The following ZFHX3 variants were observed in gnomAD, a reference collection of about 807,000 sequenced individuals.
The protein encoded by ZFHX3 is zinc finger homeobox protein 3.
Under a neutral mutation model 279.1 loss-of-function variants are expected in ZFHX3, and 42 were observed. The observed-to-expected ratio is 0.15, with a 90% CI of 0.12 to 0.19. The LOEUF is 0.19. Among genes scored for constraint, ZFHX3 ranks in the 10% least tolerant of loss-of-function variants. The probability of loss-of-function intolerance (pLI) is 1.00; values close to 1 mark genes in which losing one functional copy is unlikely to be tolerated. For missense variants in ZFHX3, 4,981 were observed against 4,754.0 expected, an observed-to-expected ratio of 1.05 and a Z score of -1.40; for synonymous variants, 2,293 against 1,957.8, an observed-to-expected ratio of 1.17 and a Z score of -4.52.
intron 3 of ZFHX3, among the ~76,000 whole-genome samples, chr16:73,413,471 G>C (rs531542953): frequency 6.6e-6 from 1 of 152,188 alleles, no homozygotes; most frequent in South Asian, 2.1e-4. Context: ...GCAGGCCTGC[G>C]TGTGGACAGA....
intron 7 of ZFHX3, among the ~76,000 whole-genome samples, chr16:73,121,732 C>G (rs1328799294): frequency 1.3e-5 from 2 of 151,756 alleles, no homozygotes; most frequent in African/African-American, 4.8e-5. Flanking sequence ...TCTCCTGCCT[C>G]CGCCTCCCAA....
chr16:73,574,401 T>C (rs931276353), intron 2 of ZFHX3, among the ~76,000 whole-genome samples: 4 of 152,160 alleles, frequency 2.6e-5, no homozygotes, highest in African/African-American at 7.2e-5. Flanking sequence ...TCTCAGATCA[T>C]TTTCATATAC....
intron 6 of ZFHX3, chr16:73,143,647 G>T: frequency 1.3e-6 from 1 of 755,508 alleles, no homozygotes. Flanking sequence ...TGAACTGTTT[G>T]GTTTTGTTTG....
At chr16:73,811,798 C>T (rs1006357485) in intron 1 of ZFHX3, among the ~76,000 whole-genome samples, 1 of 152,086 alleles carries the variant, frequency 6.6e-6, no homozygotes, top group Non-Finnish European at 1.5e-5. Context: ...ACTTTGTTCT[C>T]TCTGTTGTGA....
At chr16:73,500,691 CAAAA>C (rs35032435) in intron 2 of ZFHX3, among the ~76,000 whole-genome samples, 1,521 of 96,932 alleles carry the variant, frequency 0.016, 10 homozygotes, top group South Asian at 0.024. Context: ...TTTTAAAATA[CAAAA>C]AAAAAAAAAA....
chr16:73,804,479 A>T (rs1383587211), intron 1 of ZFHX3, among the ~76,000 whole-genome samples: 2 of 152,212 alleles, frequency 1.3e-5, no homozygotes, highest in Non-Finnish European at 2.9e-5. Context: ...AGTCAGAAAC[A>T]TTGATTAAAT....
At chr16:73,605,833 T>TA (rs1006066423) in intron 2 of ZFHX3, among the ~76,000 whole-genome samples, 1 of 152,084 alleles carries the variant, frequency 6.6e-6, no homozygotes, top group Non-Finnish European at 1.5e-5. Flanking sequence ...TCAAACCATT[T>TA]AAAATGTAAC....
In ZFHX3 at chr16:72,829,386, G is replaced by A. The variant is rs370898254; in HGVS notation, c.3529+393C>T. 75 of 181,432 alleles carry A rather than the reference G, an allele frequency of 4.1e-4. No individual in the cohort carries two copies. In the South Asian group the frequency reaches 7.3e-3, roughly 18 times the overall value. The allele number at this position is 181,432 out of a possible 1,614,324, so 11.2% of individuals were successfully genotyped here. A position where few individuals can be genotyped will look rare whatever the true frequency, so the allele number is the denominator to read the frequency against. ...TGACAAATCTCTCCACTGGCCTTGG[G>A]AGCAGGTGGGACCAGCGACTGGACC... On this transcript the variant is annotated intron_variant, in intron 5 of 9. Transcript: ENST00000268489.
intron 3 of ZFHX3, among the ~76,000 whole-genome samples, chr16:72,930,719 C>A (rs944189469): frequency 1.8e-4 from 27 of 151,956 alleles, no homozygotes; most frequent in Non-Finnish European, 4.4e-5. Context: ...AAACCTACTA[C>A]GGAAGAAAAC....
At chr16:73,517,201 A>G (rs1597366944) in intron 2 of ZFHX3, among the ~76,000 whole-genome samples, 1 of 152,226 alleles carries the variant, frequency 6.6e-6, no homozygotes, top group South Asian at 2.1e-4. Context: ...ATCACCTTCA[A>G]CCAGAAGCTT....
chr16:73,375,732 T>A (rs1216754441), intron 3 of ZFHX3, among the ~76,000 whole-genome samples: 1 of 152,202 alleles, frequency 6.6e-6, no homozygotes, highest in Non-Finnish European at 1.5e-5. Flanking sequence ...AATACTTATT[T>A]GCTTTATCCC....
intron 4 of ZFHX3, among the ~76,000 whole-genome samples, chr16:72,876,776 C>T (rs1466887860): frequency 2.0e-5 from 3 of 152,112 alleles, no homozygotes; most frequent in Non-Finnish European, 4.4e-5. Context: ...GAAAAAGCCG[C>T]CTGTGGCCAG....
At chr16:73,490,431 T>G (rs1597356105) in intron 2 of ZFHX3, among the ~76,000 whole-genome samples, 1 of 152,238 alleles carries the variant, frequency 6.6e-6, no homozygotes, top group African/African-American at 2.4e-5. Context: ...TTAACCAATG[T>G]GGAAATTAGT....
At chr16:73,424,574 G>C (rs999719060) in intron 3 of ZFHX3, among the ~76,000 whole-genome samples, 5 of 151,922 alleles carry the variant, frequency 3.3e-5, no homozygotes, top group African/African-American at 9.7e-5. Flanking sequence ...GCAAGACCCT[G>C]TCTCTACAAA....
intron 4 of ZFHX3, among the ~76,000 whole-genome samples, chr16:73,267,213 G>T (rs1372692367): frequency 6.6e-6 from 1 of 152,154 alleles, no homozygotes; most frequent in African/African-American, 2.4e-5. Context: ...TCTTTCTGCT[G>T]CATCAAGCAC....
At chr16:72,906,292 C>T (rs1025418188) in intron 3 of ZFHX3, among the ~76,000 whole-genome samples, 18 of 151,970 alleles carry the variant, frequency 1.2e-4, no homozygotes, top group African/African-American at 3.6e-4. Flanking sequence ...CAAAACATCC[C>T]CTGCTTACAC....
chr16:73,680,126 A>G (rs1014486807), intron 2 of ZFHX3: 2 of 152,244 alleles, frequency 1.3e-5, no homozygotes, highest in Admixed American at 1.3e-4. Flanking sequence ...AGCACTCTGA[A>G]GAAAAGTCCA....
chr16:73,637,827 A>G (rs892958329), intron 2 of ZFHX3, among the ~76,000 whole-genome samples: 1 of 152,176 alleles, frequency 6.6e-6, no homozygotes, highest in African/African-American at 2.4e-5. Context: ...TAAAAACAGT[A>G]CAAAATGTGA....
intron 1 of ZFHX3, among the ~76,000 whole-genome samples, chr16:73,755,189 A>G (rs2053797262): frequency 6.6e-6 from 1 of 152,114 alleles, no homozygotes; most frequent in Non-Finnish European, 1.5e-5. Context: ...AATCTCTAAC[A>G]TCTCCTTTTA....
Sources: gnomAD v4.1 joint callset for allele counts (sites outside exome capture counted in the v4.1 genomes callset) on GRCh38, gnomAD v4.1.1 for gene constraint, MANE v1.5 for transcripts, NCBI Gene and HGNC (gene_info 2026-07-23, HGNC 2026-07-21) for gene names.